TECR: variants seen among roughly 807,000 people sequenced by gnomAD.
TECR encodes very-long-chain enoyl-CoA reductase.
TECR carries 19 observed loss-of-function variants against 50.6 expected under a neutral mutation model. That is an observed-to-expected ratio of 0.38 (90% CI 0.26 to 0.55). The LOEUF (loss-of-function observed/expected upper bound fraction) is 0.55. Among genes scored for constraint, TECR ranks in the 20% least tolerant of loss-of-function variants. TECR has a pLI of 0.79. For synonymous variants in TECR, 168 were observed against 163.5 expected, an observed-to-expected ratio of 1.03 and a Z score of -0.21; for missense variants, 313 against 408.3, an observed-to-expected ratio of 0.77 and a Z score of 2.01.
intron 1 of TECR, among the ~76,000 whole-genome samples, chr19:14,538,413 G>A (rs1568399894): frequency 6.6e-6 from 1 of 152,174 alleles, no homozygotes; most frequent in Non-Finnish European, 1.5e-5. Context: ...CACAGGCAGG[G>A]TAAAAATCCT....
Position 14,563,357 on chromosome 19 carries a change from A to G in TECR, c.118+100A>G. On this transcript the variant is annotated intron_variant, in intron 3 of 12. Coordinates refer to ENST00000215567, the MANE Select transcript of TECR (RefSeq NM_138501.6). This position sits in a 1 kb window ranked among gnomAD's most constrained non-coding sequence, Gnocchi z 5.3. ...CTGCACCCCTCTCCCAGGGGCCTGC[A>G]GAGATGCCCCAGTGTGGCCCAGGCT... The G allele has an allele frequency of 8.4e-7, 1 of 1,192,770 alleles. No homozygotes were observed. The highest frequency in any genetic ancestry group is 1.2e-5 in the South Asian group (1 of 80,132). The allele number at this position is 1,192,770 out of a possible 1,614,324, so 73.9% of individuals were successfully genotyped here.
chr19:14,530,940 C>A (rs953368032), intron 1 of TECR: 2 of 152,188 alleles, frequency 1.3e-5, no homozygotes, highest in African/African-American at 2.4e-5. Flanking sequence ...ACTCCCCATT[C>A]CTCTCCACCT....
chr19:14,543,420 T>TA (rs1491174243), intron 1 of TECR, among the ~76,000 whole-genome samples: 36 of 5,488 alleles, frequency 6.6e-3, no homozygotes, highest in Non-Finnish European at 9.2e-3. Flanking sequence ...TATATATATA[T>TA]TTTTTTTTTT....
chr19:14,555,504 G>T (rs1489241091), intron 1 of TECR, among the ~76,000 whole-genome samples: 3 of 145,092 alleles, frequency 2.1e-5, no homozygotes, highest in Non-Finnish European at 4.5e-5. Flanking sequence ...GGAGTGCAGT[G>T]GTGCAATCTT....
intron 1 of TECR, among the ~76,000 whole-genome samples, chr19:14,545,410 G>GCACCGCTGTCTCCTCTC (rs141155703): frequency 0.13 from 20,040 of 148,826 alleles, 1,773 homozygotes; most frequent in South Asian, 0.25. Flanking sequence ...TGGGCCCTCT[G>GCACCGCTGTCTCCTCTC]CACCGCTGTC....
intron 1 of TECR, chr19:14,530,297 A>G (rs961338363): frequency 1.3e-5 from 2 of 158,766 alleles, no homozygotes; most frequent in African/African-American, 4.8e-5. Flanking sequence ...CCAAGGAGAA[A>G]TCTTATACCC....
chr19:14,537,172 G>T, intron 1 of TECR, among the ~76,000 whole-genome samples: 1 of 133,492 alleles, frequency 7.5e-6, no homozygotes, highest in African/African-American at 2.8e-5. Context: ...AGGCGGGGCC[G>T]GGGGGGAAGG....
chr19:14,529,879 C>A, intron 1 of TECR, 168 bp downstream of exon 1: 2 of 895,020 alleles, frequency 2.2e-6, no homozygotes, highest in East Asian at 2.6e-5. Flanking sequence ...AATTCCAATG[C>A]GCATGTGCGC....
rs140788807 is a variant in TECR, at chr19:14,557,071, C to A, written c.16-5454C>A. On this transcript the variant is annotated intron_variant, in intron 1 of 12. Transcript: ENST00000215567. ...TGTGGATCCTGCCAGGGTTTGGCCC[C>A]CTTGTGCACCTGGCATGGCTGTTCT... 3.5e-3 allele frequency among the ~76,000 whole-genome samples: 532 copies of A among 152,118 alleles called. 6 individuals are homozygous for A. Among genetic ancestry groups the A allele is most frequent in the African/African-American group, 0.012 (490 of 41,524 alleles).
Position 14,563,108 on chromosome 19 carries a change from A to C in TECR, c.67-98A>C. ...CCAGCCCTTCCCCCTTCCCATAGCTACAGCCCAACCCCCAGCCTGCCATCC... is the reference window on the plus strand; with the variant it reads ...CCAGCCCTTCCCCCTTCCCATAGCTCCAGCCCAACCCCCAGCCTGCCATCC... On this transcript the variant is annotated intron_variant, in intron 2 of 12. Coordinates refer to ENST00000215567, the MANE Select transcript of TECR (RefSeq NM_138501.6). This position sits in a 1 kb window ranked among gnomAD's most constrained non-coding sequence, Gnocchi z 5.3. The C allele has an allele frequency of 6.6e-7, 1 of 1,514,970 alleles. No homozygotes were observed. The highest frequency in any genetic ancestry group is 1.1e-5 in the South Asian group (1 of 87,280). The allele number at this position is 1,514,970 out of a possible 1,614,324, so 93.8% of individuals were successfully genotyped here.
intron 1 of TECR, among the ~76,000 whole-genome samples, chr19:14,549,126 G>A (rs73002859): frequency 0.014 from 2,154 of 151,006 alleles, 42 homozygotes; most frequent in South Asian, 0.037. Context: ...GTAGACCAGA[G>A]TTGCCCTATC....
intron 1 of TECR, among the ~76,000 whole-genome samples, chr19:14,547,987 G>A (rs1317892819): frequency 7.3e-6 from 1 of 136,636 alleles, no homozygotes; most frequent in Non-Finnish European, 1.6e-5. Flanking sequence ...TTTTTGAGAC[G>A]GAGTCTCGCT....
chr19:14,529,516 G>C (rs762076874), upstream of TECR: 1 of 797,180 alleles, frequency 1.3e-6, no homozygotes, highest in Non-Finnish European at 2.2e-6. Context: ...AGGAGCAGGG[G>C]CGAACGTGGG....
chr19:14,558,645 G>A (rs369651479), intron 1 of TECR, among the ~76,000 whole-genome samples: 4 of 152,280 alleles, frequency 2.6e-5, no homozygotes, highest in Admixed American at 6.5e-5. Context: ...CTCCCTGCCC[G>A]TCGTGCCTGA....
chr19:14,533,619 G>T (rs1215302994), intron 1 of TECR, among the ~76,000 whole-genome samples: 1 of 152,074 alleles, frequency 6.6e-6, no homozygotes, highest in Non-Finnish European at 1.5e-5. Context: ...GTCTGGTTGA[G>T]GACTGTTATC....
At chr19:14,528,691 GC>G (rs1338346709), upstream of TECR, among the ~76,000 whole-genome samples, 6 of 151,976 alleles carry the variant, frequency 3.9e-5, no homozygotes, top group East Asian at 1.2e-3. Context: ...TGTAATCCTA[GC>G]ACTTTGGGAG....
intron 1 of TECR, among the ~76,000 whole-genome samples, chr19:14,534,608 G>C (rs1469525189): frequency 1.3e-5 from 2 of 151,742 alleles, no homozygotes; most frequent in Non-Finnish European, 2.9e-5. Flanking sequence ...GCTAATTTCT[G>C]TAGTTTTAGT....
At chr19:14,551,832 TTTC>T (rs2073518894) in intron 1 of TECR, among the ~76,000 whole-genome samples, 1 of 151,938 alleles carries the variant, frequency 6.6e-6, no homozygotes. Flanking sequence ...TGTTTTTGTT[TTTC>T]TTTTGTTTGG....
intron 1 of TECR, among the ~76,000 whole-genome samples, chr19:14,556,441 G>T (rs911515395): frequency 2.5e-4 from 17 of 67,546 alleles, no homozygotes; most frequent in African/African-American, 1.2e-3. Flanking sequence ...AAACCACATT[G>T]TGACCTCCCC....
Sources: gnomAD v4.1 joint callset for allele counts (sites outside exome capture counted in the v4.1 genomes callset) on GRCh38, gnomAD v4.1.1 for gene constraint, Gnocchi (gnomAD v3.1) non-coding constraint, MANE v1.5 for transcripts, NCBI Gene and HGNC (gene_info 2026-07-23, HGNC 2026-07-21) for gene names.